KDM4C: variants seen among roughly 807,000 people sequenced by gnomAD.
The protein encoded by KDM4C is lysine demethylase 4C.
A neutral mutation model predicts 129.3 loss-of-function variants in KDM4C; 81 were observed. The ratio of observed to expected loss-of-function variants is 0.63; its 90% CI spans 0.52 to 0.75. The LOEUF (loss-of-function observed/expected upper bound fraction) is 0.75, where lower values mean the gene tolerates loss of function less well. Among genes scored for constraint, KDM4C ranks in the 30% least tolerant of loss-of-function variants. The pLI is 0.00. For missense variants in KDM4C, 1,457 were observed against 1,304.0 expected (o/e 1.12, Z -1.81); for synonymous variants, 573 against 456.1 (o/e 1.26, Z -3.26).
chr9:6,821,267 C>A (rs1019709635), intron 4 of KDM4C, among the ~76,000 whole-genome samples: 1 of 152,168 alleles, frequency 6.6e-6, no homozygotes, highest in Non-Finnish European at 1.5e-5. Flanking sequence ...AATGATAATT[C>A]TAGTTCTAGA....
At chr9:6,988,958 AC>A (rs1818243066) in intron 11 of KDM4C, among the ~76,000 whole-genome samples, 1 of 152,188 alleles carries the variant, frequency 6.6e-6, no homozygotes, top group Non-Finnish European at 1.5e-5. Context: ...TTTGATAAAT[AC>A]GACTTATTCA....
At chr9:6,779,088 G>C (rs1299231248) in intron 1 of KDM4C, among the ~76,000 whole-genome samples, 4 of 148,036 alleles carry the variant, frequency 2.7e-5, no homozygotes, top group Non-Finnish European at 3.0e-5. Context: ...GAGTGCAGTG[G>C]CGTGATCTTG....
chr9:6,735,873 C>T (rs112680394), intron 1 of KDM4C, among the ~76,000 whole-genome samples: 2,002 of 152,206 alleles, frequency 0.013, 43 homozygotes, highest in African/African-American at 0.046. Context: ...CAGAAGAAGA[C>T]AGGAAAATGT....
At chr9:6,779,754 C>G (rs576096307) in intron 1 of KDM4C, among the ~76,000 whole-genome samples, 151 of 152,306 alleles carry the variant, frequency 9.9e-4, no homozygotes, top group Middle Eastern at 3.4e-3. Context: ...TGAATCATGA[C>G]TGATGCTATT....
At chr9:7,005,248 C>A (rs1376853631) in intron 12 of KDM4C, among the ~76,000 whole-genome samples, 2 of 152,004 alleles carry the variant, frequency 1.3e-5, no homozygotes, top group Non-Finnish European at 2.9e-5. Context: ...CCAGCCTGGC[C>A]AACATGGTGA....
At chr9:6,854,542 AAAAC>A (rs1377876926) in intron 5 of KDM4C, among the ~76,000 whole-genome samples, 9 of 146,042 alleles carry the variant, frequency 6.2e-5, no homozygotes, top group African/African-American at 8.0e-5. Context: ...AAAAAAAAAA[AAAAC>A]AAAAAAAAAA....
rs142728583 is a variant in KDM4C, at chr9:6,800,364, C to G, written c.145-5235C>G. 4.1e-3 allele frequency among the ~76,000 whole-genome samples: 624 copies of G among 151,750 alleles called. 7 individuals are homozygous for G. Among genetic ancestry groups the G allele is most frequent in the African/African-American group, 0.014 (597 of 41,380 alleles). On this transcript the variant is annotated intron_variant, in intron 2 of 21. Transcript: ENST00000381309. ...CCTGGGCAACAGTGAGACTCCATCT[C>G]AAAAAGCAAACAAACAAACAAAAAA...
chr9:7,015,835 C>T lies in KDM4C; in HGVS notation c.2183-18C>T, dbSNP rs1823555718. ...GTGAAAAAGACCTAACGCATGGATA[C>T]ATACTATTATTTTATAGGTTGTTAT... is the stretch of plus-strand genomic sequence containing the variant. On this transcript the variant is annotated intron_variant, in intron 14 of 21. Coordinates refer to ENST00000381309, the MANE Select transcript of KDM4C (RefSeq NM_015061.6). 6 of 1,558,222 alleles carry T rather than the reference C, an allele frequency of 3.9e-6. No homozygotes were observed. The highest frequency in any genetic ancestry group is 1.4e-5 in the African/African-American group (1 of 73,818).
At position 7,017,588 on chromosome 9, in the gene KDM4C, TA is replaced by T. The variant is rs554661708; in HGVS notation, c.2259+1661del. On this transcript the variant is annotated intron_variant, in intron 15 of 21. Coordinates refer to ENST00000381309, the MANE Select transcript of KDM4C (RefSeq NM_015061.6). ...GTTGCCATTTGATTAAGTTTTACCT[TA>T]ATTTTTCTTAAAAATTGTCTTTCAA... 1.6e-4 allele frequency among the ~76,000 whole-genome samples: 25 copies of T among 152,346 alleles called. No individual in the cohort carries two copies. In the South Asian group the frequency reaches 2.1e-3, roughly 13 times the overall value.
chr9:6,862,124 T>C (rs1841047664), intron 5 of KDM4C, among the ~76,000 whole-genome samples: 1 of 152,184 alleles, frequency 6.6e-6, no homozygotes, highest in African/African-American at 2.4e-5. Flanking sequence ...ATCTCTAATA[T>C]AATTTTCTAA....
chr9:6,724,972 C>G (rs1817073948), intron 1 of KDM4C, among the ~76,000 whole-genome samples: 1 of 152,152 alleles, frequency 6.6e-6, no homozygotes. Context: ...TGCACTCCCT[C>G]CAGAGGCTCT....
intron 19 of KDM4C, among the ~76,000 whole-genome samples, chr9:7,129,705 G>A (rs1353237865): frequency 2.0e-5 from 3 of 152,010 alleles, no homozygotes; most frequent in East Asian, 1.9e-4. Flanking sequence ...GAACCCATGT[G>A]GTTCTATACT....
chr9:6,998,561 C>T (rs1301014540), intron 12 of KDM4C, among the ~76,000 whole-genome samples: 5 of 151,988 alleles, frequency 3.3e-5, no homozygotes, highest in East Asian at 1.9e-4. Flanking sequence ...TTTGGGAGGC[C>T]GAGGCAGGCG....
intron 19 of KDM4C, among the ~76,000 whole-genome samples, chr9:7,160,254 G>C (rs887379539): frequency 6.6e-6 from 1 of 152,086 alleles, no homozygotes; most frequent in East Asian, 1.9e-4. Context: ...AAGGTTTTTA[G>C]CTTCCTTGCG....
chr9:7,011,616 G>A (rs79438900), intron 12 of KDM4C, 82 bp from the exon 13 acceptor site: 34,770 of 1,248,198 alleles, frequency 0.028, 593 homozygotes, highest in Non-Finnish European at 0.035. Flanking sequence ...AGATTCTGTG[G>A]AATGTTTATT....
Position 7,174,611 on chromosome 9 carries a change from G to T in KDM4C, c.3053G>T (p.Gly1018Val). The T allele has an allele frequency of 6.2e-7, 1 of 1,614,168 alleles. No homozygotes were observed. Among genetic ancestry groups the T allele is most frequent in the Non-Finnish European group, 8.5e-7 (1 of 1,180,004 alleles). The change falls in exon 22 of 22, where the codon GGG becomes GTG. Residue 1018 changes from glycine to valine, a missense_variant. Gly to Val is a moderately radical substitution (Grantham distance 109). Coordinates refer to ENST00000381309, the MANE Select transcript of KDM4C (RefSeq NM_015061.6). Reference protein sequence around the residue: ...DTFYGADIIQGERKRQRVLSS... With the variant: ...DTFYGADIIQVERKRQRVLSS... ...TTTTATGGAGCAGACATTATCCAAG[G>T]GGAGAGAAAGAGACAAAGAGTGCTG... is the stretch of plus-strand genomic sequence containing the variant.
At chr9:6,887,881 G>T in intron 6 of KDM4C, 79 bp from the exon 7 acceptor site, 1 of 858,312 alleles carries the variant, frequency 1.2e-6, no homozygotes. Context: ...AAGAACACTA[G>T]AACTTACACA....
At chr9:7,079,309 CA>C (rs1156338607) in intron 17 of KDM4C, among the ~76,000 whole-genome samples, 1 of 152,116 alleles carries the variant, frequency 6.6e-6, no homozygotes, top group African/African-American at 2.4e-5. Context: ...TTAATCTCTA[CA>C]AGAGTGACTT....
At chr9:6,931,122 AC>A (rs1302134130) in intron 8 of KDM4C, among the ~76,000 whole-genome samples, 12 of 146,088 alleles carry the variant, frequency 8.2e-5, no homozygotes, top group African/African-American at 2.3e-4. Flanking sequence ...CTCTCTTCTC[AC>A]CCCCCCCACA....
Sources: gnomAD v4.1 joint callset for allele counts (sites outside exome capture counted in the v4.1 genomes callset) on GRCh38, gnomAD v4.1.1 for gene constraint, MANE v1.5 for transcripts, NCBI Gene and HGNC (gene_info 2026-07-23, HGNC 2026-07-21) for gene names.